INPP4B: variants seen among roughly 807,000 people sequenced by gnomAD.
The protein encoded by INPP4B is inositol polyphosphate 4-phosphatase type II.
INPP4B carries 55 observed loss-of-function variants against 122.5 expected under a neutral mutation model. The observed-to-expected ratio is 0.45, with a 90% confidence interval of 0.36 to 0.56. INPP4B has a LOEUF of 0.56. Ranked by LOEUF, INPP4B falls within the 20% of genes least tolerant of loss-of-function variation. The pLI is 0.00. For missense variants in INPP4B, 1,000 were observed against 1,097.7 expected (o/e 0.91, Z 1.26); for synonymous variants, 403 against 388.7 (o/e 1.04, Z -0.43).
chr4:142,145,007 A>T (rs2152840231), intron 18 of INPP4B, among the ~76,000 whole-genome samples: 1 of 152,222 alleles, frequency 6.6e-6, no homozygotes, highest in Non-Finnish European at 1.5e-5. Flanking sequence ...GTACCCAGCA[A>T]AAAAGTCTGA....
intron 2 of INPP4B, among the ~76,000 whole-genome samples, chr4:142,526,744 T>C (rs1490181718): frequency 6.6e-6 from 1 of 152,116 alleles, no homozygotes; most frequent in Non-Finnish European, 1.5e-5. Context: ...GTTTCTCATA[T>C]GCTTTTCCTT....
At chr4:142,112,301 T>C (rs574148531) in intron 22 of INPP4B, among the ~76,000 whole-genome samples, 3 of 152,330 alleles carry the variant, frequency 2.0e-5, no homozygotes, top group Admixed American at 6.5e-5. Context: ...ATGCAAATGC[T>C]TTATTTAGTA....
intron 23 of INPP4B, among the ~76,000 whole-genome samples, chr4:142,094,558 C>G (rs1173711443): frequency 6.6e-6 from 1 of 152,194 alleles, no homozygotes; most frequent in African/African-American, 2.4e-5. Context: ...CGTGCAAGAG[C>G]CAGACTGCTA....
At chr4:142,256,873 G>C (rs1266313061) in intron 11 of INPP4B, among the ~76,000 whole-genome samples, 7 of 152,094 alleles carry the variant, frequency 4.6e-5, no homozygotes, top group Non-Finnish European at 8.8e-5. Flanking sequence ...GCATCATCCT[G>C]ATACCAAAGC....
At position 142,449,571 on chromosome 4, in the gene INPP4B, G is replaced by T. The variant is rs571280198; in HGVS notation, c.-127+13092C>A. ...ACAAAAATTAGCTGGGTGTGGTGGC[G>T]CATGCCTGTAATCCCAGCTACTTGC... On this transcript the variant is annotated intron_variant, in intron 3 of 25. Transcript: ENST00000262992. Among the ~76,000 whole-genome samples, 16 of 151,922 alleles carry T rather than the reference G, an allele frequency of 1.1e-4. No homozygotes were observed. The South Asian group carries it at 1.5e-3, about 14-fold the overall frequency.
intron 7 of INPP4B, among the ~76,000 whole-genome samples, chr4:142,399,539 A>T (rs1046023036): frequency 6.6e-6 from 1 of 152,112 alleles, no homozygotes; most frequent in Non-Finnish European, 1.5e-5. Context: ...AAGACTCAGA[A>T]TCCCACAGCT....
At chr4:142,589,075 A>G (rs1232793599) in intron 2 of INPP4B, among the ~76,000 whole-genome samples, 3 of 152,012 alleles carry the variant, frequency 2.0e-5, no homozygotes. Context: ...TTTTCCAAAG[A>G]AACAGACAAT....
In INPP4B at chr4:142,066,574, C is replaced by T. The variant is rs886085577; in HGVS notation, c.2642+15457G>A. ...TTGAGAACAAATGTGCCTCTCCTAG[C>T]AAAGGAAGCCGTGACAGAAGGTACC... On this transcript the variant is annotated intron_variant, in intron 25 of 25. Transcript: ENST00000262992. 2.0e-5 allele frequency among the ~76,000 whole-genome samples: 3 copies of T among 152,186 alleles called. No homozygotes were observed. The East Asian group carries it at 5.8e-4, about 29-fold the overall frequency.
intron 2 of INPP4B, among the ~76,000 whole-genome samples, chr4:142,646,380 GA>G (rs142372856): frequency 0.012 from 1,753 of 151,876 alleles, 31 homozygotes; most frequent in African/African-American, 0.032. Context: ...AGAAAAACAA[GA>G]AAAAAAGATT....
intron 7 of INPP4B, among the ~76,000 whole-genome samples, chr4:142,386,113 G>A (rs1375382676): frequency 2.6e-5 from 4 of 151,928 alleles, no homozygotes; most frequent in Non-Finnish European, 4.4e-5. Flanking sequence ...AAAATTCTGC[G>A]TGTAAGTGAG....
intron 22 of INPP4B, among the ~76,000 whole-genome samples, chr4:142,111,001 C>A (rs953985750): frequency 6.6e-6 from 1 of 152,040 alleles, no homozygotes; most frequent in African/African-American, 2.4e-5. Flanking sequence ...TTCCCCTGCT[C>A]CAAGTTGTAT....
At chr4:142,819,796 A>G (rs1401238180) in intron 1 of INPP4B, among the ~76,000 whole-genome samples, 1 of 152,092 alleles carries the variant, frequency 6.6e-6, no homozygotes, top group Non-Finnish European at 1.5e-5. Context: ...GCGCACACAC[A>G]CACGGTTCAT....
intron 23 of INPP4B, among the ~76,000 whole-genome samples, chr4:142,097,238 T>C (rs1438119637): frequency 2.7e-5 from 4 of 148,182 alleles, no homozygotes; most frequent in Non-Finnish European, 4.5e-5. Context: ...TTATTTTATT[T>C]TATTTTATTT....
intron 16 of INPP4B, among the ~76,000 whole-genome samples, chr4:142,171,122 T>C (rs1305359593): frequency 6.6e-6 from 1 of 151,736 alleles, no homozygotes; most frequent in Non-Finnish European, 1.5e-5. Context: ...GTGCAATGGC[T>C]TACCTAAGAG....
chr4:142,564,012 A>G (rs1349164053), intron 2 of INPP4B, among the ~76,000 whole-genome samples: 2 of 152,208 alleles, frequency 1.3e-5, no homozygotes, highest in East Asian at 1.9e-4. Context: ...TATGAGCCAA[A>G]CAAGCAGTTG....
At chr4:142,268,342 A>AAAAAAAAAAAAAAAAAAAAAAAAAAAG (rs1743976679) in intron 10 of INPP4B, among the ~76,000 whole-genome samples, 1 of 144,516 alleles carries the variant, frequency 6.9e-6, no homozygotes, top group Non-Finnish European at 1.5e-5. Flanking sequence ...AAAAAAAAAA[A>AAAAAAAAAAAAAAAAAAAAAAAAAAAG]AAAATGAGGG....
intron 25 of INPP4B, among the ~76,000 whole-genome samples, chr4:142,063,962 T>A (rs1306888377): frequency 1.3e-5 from 2 of 152,192 alleles, no homozygotes; most frequent in East Asian, 3.8e-4. Context: ...ATTTATAAAC[T>A]AACTTTAAGG....
intron 2 of INPP4B, among the ~76,000 whole-genome samples, chr4:142,598,667 T>C (rs1247768274): frequency 6.6e-6 from 1 of 152,176 alleles, no homozygotes; most frequent in African/African-American, 2.4e-5. Flanking sequence ...CACATGTTTC[T>C]AGAGCCCAGG....
At chr4:142,360,231 C>T (rs1254442488) in intron 7 of INPP4B, among the ~76,000 whole-genome samples, 1 of 151,854 alleles carries the variant, frequency 6.6e-6, no homozygotes, top group Admixed American at 6.6e-5. Flanking sequence ...TATGATGAAC[C>T]ATTTCAGAGA....
Sources: gnomAD v4.1 joint callset for allele counts (sites outside exome capture counted in the v4.1 genomes callset) on GRCh38, gnomAD v4.1.1 for gene constraint, MANE v1.5 for transcripts, NCBI Gene and HGNC (gene_info 2026-07-23, HGNC 2026-07-21) for gene names.